The following PCDHAC1 variants were observed in gnomAD, a reference collection of about 807,000 sequenced individuals.
The protein encoded by PCDHAC1 is protocadherin alpha subfamily C, 1, also known as protocadherin alpha-C1.
PCDHAC1 carries 42 observed loss-of-function variants against 60.0 expected under a neutral mutation model. That is an observed-to-expected ratio of 0.70 (90% CI 0.55 to 0.90). The LOEUF (loss-of-function observed/expected upper bound fraction) is 0.90. PCDHAC1 is among the 40% of genes least tolerant of loss of function. The pLI is 0.00. For synonymous variants in PCDHAC1, 468 were observed against 499.3 expected, an observed-to-expected ratio of 0.94 and a Z score of 0.84; for missense variants, 1,160 against 1,222.3, an observed-to-expected ratio of 0.95 and a Z score of 0.76.
rs976643195 is a variant in PCDHAC1 at position 141,010,391 on chromosome 5, C to A, written c.*454C>A. On this transcript the variant is annotated 3_prime_UTR_variant, in exon 4 of 4. Transcript: ENST00000253807. ...TGCGAGTGCCAGATATTGGCTGAGACGAGCCAGCTTAGACTAATTGGTACA... is the reference window on the plus strand; with the variant it reads ...TGCGAGTGCCAGATATTGGCTGAGAAGAGCCAGCTTAGACTAATTGGTACA... The A allele has an allele frequency of 2.2e-6, 3 of 1,386,760 alleles. No homozygotes were observed. Among genetic ancestry groups the A allele is most frequent in the Non-Finnish European group, 2.9e-6 (3 of 1,041,298 alleles). The allele number at this position is 1,386,760 out of a possible 1,614,324, so 85.9% of individuals were successfully genotyped here.
chr5:140,986,106 G>A (rs2097187379), intron 3 of PCDHAC1, among the ~76,000 whole-genome samples: 2 of 152,116 alleles, frequency 1.3e-5, no homozygotes, highest in Non-Finnish European at 2.9e-5. Context: ...AAAAGCCTAA[G>A]ATAAAGATGC....
chr5:140,968,511 C>T, intron 1 of PCDHAC1: 2 of 1,614,198 alleles, frequency 1.2e-6, no homozygotes, highest in Non-Finnish European at 1.7e-6. Context: ...ATTCTGTACC[C>T]TACCTCAACC....
Position 140,927,669 on chromosome 5 carries a change from T to G in PCDHAC1, c.777T>G (p.Asp259Glu). 6.2e-7 allele frequency: 1 copy of G among 1,614,106 alleles called. No homozygotes were observed. ...TGTTATTCCGAGTTCAAGCCTTGGA[T>G]CCAGATGAAGGGTCCAATGGGGAAG... ...GTVLFRVQAL[D>E]PDEGSNGEVQ... Residue 259 changes from aspartate to glutamate, a missense_variant, in exon 1 of 4, where the codon GAT becomes GAG. Physicochemically the swap from Asp to Glu is conservative, Grantham distance 45 (BLOSUM62 2). Around this residue, in one of 3 missense-constraint regions of PCDHAC1, gnomAD observed 1,113 missense variants for 1,163.7 expected, o/e 0.96. Transcript: ENST00000253807.
chr5:140,945,678 C>T (rs2093827274), intron 1 of PCDHAC1, among the ~76,000 whole-genome samples: 1 of 152,078 alleles, frequency 6.6e-6, no homozygotes, highest in Non-Finnish European at 1.5e-5. Context: ...AATAAATCCA[C>T]ACAGTTACTG....
rs1320219732 is a variant in PCDHAC1, at chr5:140,966,886, G to A, written c.2434-12063G>A. On this transcript the variant is annotated intron_variant, in intron 1 of 3. Coordinates refer to ENST00000253807, the MANE Select transcript of PCDHAC1 (RefSeq NM_018898.5). Reference sequence around the variant, plus strand: ...TGCTGCTGCTGCTACCTGGCCCTGCGGCCTCCCAGCTGCGATACTCTGTGC... The same window carrying A: ...TGCTGCTGCTGCTACCTGGCCCTGCAGCCTCCCAGCTGCGATACTCTGTGC... The A allele has an allele frequency of 5.7e-6, 9 of 1,592,130 alleles. No individual in the cohort carries two copies. The Admixed American group carries it at 1.0e-4, about 18-fold the overall frequency.
chr5:140,968,569 C>G (rs1554230875), intron 1 of PCDHAC1: 18 of 1,614,086 alleles, frequency 1.1e-5, no homozygotes, highest in Non-Finnish European at 1.5e-5. Context: ...CCCCTGCTGG[C>G]TACCTGGTCA....
intron 3 of PCDHAC1, among the ~76,000 whole-genome samples, chr5:141,000,885 G>C (rs1213239926): frequency 6.6e-6 from 1 of 151,922 alleles, no homozygotes; most frequent in African/African-American, 2.4e-5. Context: ...TCCAACCTGG[G>C]CAACAGATAT....
At chr5:140,986,530 G>C (rs1341824536) in intron 3 of PCDHAC1, among the ~76,000 whole-genome samples, 1 of 152,162 alleles carries the variant, frequency 6.6e-6, no homozygotes, top group African/African-American at 2.4e-5. Context: ...GAGGGAACTG[G>C]CCTGGCTTCA....
chr5:140,982,633 A>G (rs2096992474), intron 3 of PCDHAC1, 70 bp downstream of exon 3: 1 of 1,557,590 alleles, frequency 6.4e-7, no homozygotes, highest in Non-Finnish European at 8.7e-7. Flanking sequence ...CTTTTGTAAG[A>G]TCAGGAATGT....
chr5:140,945,962 G>A (rs1049789327), intron 1 of PCDHAC1, among the ~76,000 whole-genome samples: 1 of 152,002 alleles, frequency 6.6e-6, no homozygotes, highest in Non-Finnish European at 1.5e-5. Context: ...GAAAGCACAG[G>A]CAATAAAAGC....
intron 1 of PCDHAC1, among the ~76,000 whole-genome samples, chr5:140,947,178 C>T (rs1356075084): frequency 6.6e-6 from 1 of 151,188 alleles, no homozygotes. Context: ...GGTATATATT[C>T]ATGGTATACT....
At chr5:140,971,510 A>G (rs1166115283) in intron 1 of PCDHAC1, among the ~76,000 whole-genome samples, 3 of 152,152 alleles carry the variant, frequency 2.0e-5, no homozygotes, top group Non-Finnish European at 2.9e-5. Flanking sequence ...TAGGAGCAAA[A>G]GCCACTCAGT....
At chr5:140,987,643 A>G (rs1205279586) in intron 3 of PCDHAC1, among the ~76,000 whole-genome samples, 1 of 152,232 alleles carries the variant, frequency 6.6e-6, no homozygotes, top group Non-Finnish European at 1.5e-5. Context: ...ATGCACACAT[A>G]TTGCAGAATC....
intron 1 of PCDHAC1, among the ~76,000 whole-genome samples, chr5:140,936,136 G>A (rs1393112473): frequency 2.0e-5 from 3 of 152,184 alleles, no homozygotes; most frequent in Admixed American, 1.3e-4. Context: ...TAAGTGATCT[G>A]CCCGCCTTGG....
chr5:140,944,799 G>A (rs1160069845), intron 1 of PCDHAC1, among the ~76,000 whole-genome samples: 2 of 152,090 alleles, frequency 1.3e-5, no homozygotes, highest in Non-Finnish European at 2.9e-5. Flanking sequence ...CAAGTCTGTC[G>A]AGGGTCCACA....
At position 140,928,625 on chromosome 5, in the gene PCDHAC1, A is replaced by C; in HGVS notation, c.1733A>C (p.His578Pro). 6.2e-7 allele frequency: 1 copy of C among 1,614,224 alleles called. No homozygotes were observed. Among genetic ancestry groups the C allele is most frequent in the Non-Finnish European group, 8.5e-7 (1 of 1,180,034 alleles). Residue 578 changes from histidine to proline, a missense_variant, in exon 1 of 4, where the codon CAC becomes CCC. His to Pro is a moderately conservative substitution (Grantham distance 77). Transcript: ENST00000253807. ...EIVPRSARTG[H>P]LVTKVVAEDA... ...GTGCCCCGCTCTGCCAGGACTGGAC[A>C]CTTGGTCACAAAAGTGGTAGCAGAG... is the stretch of plus-strand genomic sequence containing the variant.
At chr5:140,994,720 A>C (rs2097647295) in intron 3 of PCDHAC1, among the ~76,000 whole-genome samples, 1 of 152,160 alleles carries the variant, frequency 6.6e-6, no homozygotes. Flanking sequence ...AAAATTTAAA[A>C]TACTGGGTAT....
chr5:140,937,805 G>T (rs1192616946), intron 1 of PCDHAC1, among the ~76,000 whole-genome samples: 1 of 149,924 alleles, frequency 6.7e-6, no homozygotes, highest in Admixed American at 6.6e-5. Flanking sequence ...CCAGCTACTC[G>T]GGAAGCTGAG....
At chr5:140,948,942 TA>T (rs34363674) in intron 1 of PCDHAC1, among the ~76,000 whole-genome samples, 1 of 151,394 alleles carries the variant, frequency 6.6e-6, no homozygotes, top group Admixed American at 6.6e-5. Context: ...TCTTCTAATA[TA>T]AAAAAATTAA....
Sources: gnomAD v4.1 joint callset for allele counts (sites outside exome capture counted in the v4.1 genomes callset) on GRCh38, gnomAD v4.1.1 for gene constraint, gnomAD v4.1.1 regional missense constraint, MANE v1.5 for transcripts, NCBI Gene and HGNC (gene_info 2026-07-23, HGNC 2026-07-21) for gene names.